Variants in TM9SF4 observed in about 807,000 individuals in gnomAD.
TM9SF4 encodes the protein transmembrane 9 superfamily member 4.
A neutral mutation model predicts 90.4 loss-of-function variants in TM9SF4; 26 were observed. That is an observed-to-expected ratio of 0.29 (90% CI 0.21 to 0.40). The LOEUF (loss-of-function observed/expected upper bound fraction) is 0.40, where lower values mean the gene tolerates loss of function less well. TM9SF4 is among the 10% of genes least tolerant of loss of function. TM9SF4 has a pLI of 1.00. For synonymous variants in TM9SF4, 293 were observed against 315.4 expected (o/e 0.93, Z 0.75); for missense variants, 549 against 834.8 (o/e 0.66, Z 4.22).
chr20:32,132,594 A>G (rs1430700217), intron 1 of TM9SF4, among the ~76,000 whole-genome samples: 1 of 152,138 alleles, frequency 6.6e-6, no homozygotes, highest in African/African-American at 2.4e-5. Context: ...AACTTGTAGG[A>G]ACATCTCTTG....
Position 32,156,942 on chromosome 20 carries a change from C to CTTTTTTTTTTTTTTT in TM9SF4, c.1330-851_1330-837dup, listed in dbSNP as rs71185385. On this transcript the variant is annotated intron_variant, in intron 13 of 17. Transcript: ENST00000398022. Reference sequence around the variant, plus strand: ...TATTTTTTTTTTTCCTGGACATTTTCTTTTTTTTTTTTTTTGAGACGAAGT... The same window carrying CTTTTTTTTTTTTTTT: ...TATTTTTTTTTTTCCTGGACATTTTCTTTTTTTTTTTTTTTTTTTTTTTTTTTTTTGAGACGAAGT... 5.7e-4 allele frequency among the ~76,000 whole-genome samples: 59 copies of CTTTTTTTTTTTTTTT among 103,462 alleles called. 2 individuals carry two copies. Among genetic ancestry groups the CTTTTTTTTTTTTTTT allele is most frequent in the African/African-American group, 2.1e-3 (45 of 21,566 alleles). The allele number at this position is 103,462 out of a possible 152,430, so 67.9% of individuals were successfully genotyped here.
intron 13 of TM9SF4, 32 bp from the exon 14 acceptor site, chr20:32,157,762 C>T (rs1414376463): frequency 2.5e-6 from 4 of 1,610,738 alleles, no homozygotes; most frequent in Non-Finnish European, 1.7e-6. Context: ...GCATCAGGGC[C>T]TCGTGGGGGC....
At chr20:32,125,270 T>C (rs1236810257) in intron 1 of TM9SF4, among the ~76,000 whole-genome samples, 1 of 152,254 alleles carries the variant, frequency 6.6e-6, no homozygotes, top group Non-Finnish European at 1.5e-5. Flanking sequence ...CTGTGAACTT[T>C]ATTTAATCTT....
chr20:32,145,186 T>C lies in TM9SF4; in HGVS notation c.748T>C (p.Phe250Leu). The C allele has an allele frequency of 6.2e-7, 1 of 1,614,170 alleles. No individual in the cohort carries two copies. The stretch of plus-strand genomic sequence containing the variant: ...CCCCACCAAGGAGAATCAGCTGTAC[T>C]TCACCTACTCTGTCCACTGGGAGGT... ...IDPTKENQLY[F>L]TYSVHWEESD... The change falls in exon 7 of 18, where the codon TTC becomes CTC. Residue 250 changes from phenylalanine to leucine, a missense_variant. By Grantham distance (22) the Phe-to-Leu change is conservative. Transcript: ENST00000398022.
intron 12 of TM9SF4, among the ~76,000 whole-genome samples, chr20:32,152,318 G>A (rs149668012): frequency 1.4e-4 from 21 of 151,086 alleles, no homozygotes; most frequent in African/African-American, 2.2e-4. Context: ...GATTTCCCTC[G>A]ATGGATCCTA....
intron 1 of TM9SF4, among the ~76,000 whole-genome samples, chr20:32,121,359 G>C (rs189047046): frequency 6.6e-6 from 1 of 151,126 alleles, no homozygotes; most frequent in African/African-American, 2.4e-5. Context: ...GCCTTCTGCA[G>C]CGTTTGTGTC....
At chr20:32,140,503 A>G (rs1224760226) in intron 3 of TM9SF4, among the ~76,000 whole-genome samples, 1 of 152,234 alleles carries the variant, frequency 6.6e-6, no homozygotes, top group Non-Finnish European at 1.5e-5. Context: ...TGACTGTATC[A>G]GCACATTGTG....
In TM9SF4 at chr20:32,159,978, CTG is replaced by C. The variant is rs764020855; in HGVS notation, c.1570-8_1570-7del. ...GGTGGTCAAGCCAGCTGAAGCCCCACTGTGTGTCCACAGGCTATCTGGGAGAA... is the reference window on the plus strand; with the variant it reads ...GGTGGTCAAGCCAGCTGAAGCCCCACTGTGTCCACAGGCTATCTGGGAGAA... On this transcript the variant is annotated splice_polypyrimidine_tract_variant and intron_variant, in intron 15 of 17. Transcript: ENST00000398022. 14 of 1,614,084 alleles carry C rather than the reference CTG, an allele frequency of 8.7e-6. No homozygotes were observed. The highest frequency in any genetic ancestry group is 2.5e-6 in the Non-Finnish European group (3 of 1,180,020).
At chr20:32,125,510 G>C (rs186822143) in intron 1 of TM9SF4, among the ~76,000 whole-genome samples, 16 of 152,212 alleles carry the variant, frequency 1.1e-4, no homozygotes, top group African/African-American at 3.9e-4. Context: ...GAACTTGCTA[G>C]AAGTGCACAT....
intron 3 of TM9SF4, among the ~76,000 whole-genome samples, chr20:32,137,164 G>A (rs763009236): frequency 2.6e-5 from 4 of 152,262 alleles, no homozygotes; most frequent in Non-Finnish European, 5.9e-5. Flanking sequence ...GTCTGCAGTG[G>A]TGCAGCTTGT....
In TM9SF4 at chr20:32,161,203, C is replaced by T. The variant is rs2047013460; in HGVS notation, c.1690-73C>T. On this transcript the variant is annotated intron_variant, in intron 16 of 17. Coordinates refer to ENST00000398022, the MANE Select transcript of TM9SF4 (RefSeq NM_014742.4). ...GCTCTTACCAGAGTCTTCAGCCCCTCAAGCAACTGTGAAATTGGTAGGAAG... is the reference window on the plus strand; with the variant it reads ...GCTCTTACCAGAGTCTTCAGCCCCTTAAGCAACTGTGAAATTGGTAGGAAG... 7.5e-6 allele frequency: 10 copies of T among 1,332,264 alleles called. No homozygotes were observed. The African/African-American group carries it at 1.2e-4, about 15-fold the overall frequency. The allele number at this position is 1,332,264 out of a possible 1,614,324, so 82.5% of individuals were successfully genotyped here. A position where few individuals can be genotyped will look rare whatever the true frequency, so the allele number is the denominator to read the frequency against.
Position 32,155,705 on chromosome 20 carries a change from G to A in TM9SF4, c.1329+519G>A, listed in dbSNP as rs118152601. 8.8e-4 allele frequency among the ~76,000 whole-genome samples: 134 copies of A among 152,316 alleles called. 1 individual carries two copies. In the East Asian group the frequency reaches 0.025, roughly 29 times the overall value. On this transcript the variant is annotated intron_variant, in intron 13 of 17. Transcript: ENST00000398022. ...ACTGAGGAGGATTTTGAACTCAGTTGTGGGGAGGGGGAGTGGGGTCTTGGT... is the reference window on the plus strand; with the variant it reads ...ACTGAGGAGGATTTTGAACTCAGTTATGGGGAGGGGGAGTGGGGTCTTGGT...
intron 1 of TM9SF4, among the ~76,000 whole-genome samples, chr20:32,118,599 TTGTATTTATTTA>T (rs1569043389): frequency 7.5e-6 from 1 of 133,828 alleles, no homozygotes; most frequent in Non-Finnish European, 1.6e-5. Context: ...ATTTATTTTG[TTGTATTTATTTA>T]TTTATTTATT....
chr20:32,145,388 T>C lies in TM9SF4; in HGVS notation c.848T>C (p.Ile283Thr). The C allele has an allele frequency of 1.2e-6, 2 of 1,614,138 alleles. No individual in the cohort carries two copies. The highest frequency in any genetic ancestry group is 1.7e-6 in the Non-Finnish European group (2 of 1,180,032). The change falls in exon 8 of 18, where the codon ATC becomes ACC. Residue 283 changes from isoleucine (I) to threonine (T), a missense_variant. Ile to Thr is a moderately conservative substitution (Grantham distance 89). Around this residue, in one of 2 missense-constraint regions of TM9SF4, gnomAD observed 495 missense variants for 711.7 expected, o/e 0.70. Coordinates refer to ENST00000398022, the MANE Select transcript of TM9SF4 (RefSeq NM_014742.4). ...GACGTCCAGATCCACTGGTTTTCTATCATTAACTCCGTTGTTGTGGTCTTC... is the reference window on the plus strand; with the variant it reads ...GACGTCCAGATCCACTGGTTTTCTACCATTAACTCCGTTGTTGTGGTCTTC... ...MSDVQIHWFS[I>T]INSVVVVFFL...
At chr20:32,147,784 C>T (rs898270610) in intron 9 of TM9SF4, among the ~76,000 whole-genome samples, 1 of 148,628 alleles carries the variant, frequency 6.7e-6, no homozygotes, top group Admixed American at 6.9e-5. Flanking sequence ...ACCCAGAAGG[C>T]GGAGGTTGTA....
At chr20:32,163,137 T>A (rs1210177430) in intron 17 of TM9SF4, among the ~76,000 whole-genome samples, 1 of 150,360 alleles carries the variant, frequency 6.7e-6, no homozygotes, top group Non-Finnish European at 1.5e-5. Flanking sequence ...TCCCAGCTAC[T>A]CAGGAGGCTG....
chr20:32,135,265 A>G (rs567786257), intron 2 of TM9SF4, among the ~76,000 whole-genome samples: 10 of 152,242 alleles, frequency 6.6e-5, no homozygotes, highest in Middle Eastern at 3.4e-3. Flanking sequence ...TAGTTTATTG[A>G]TAAATTTCCC....
chr20:32,121,593 T>C (rs2046308246), intron 1 of TM9SF4, among the ~76,000 whole-genome samples: 1 of 151,978 alleles, frequency 6.6e-6, no homozygotes, highest in Non-Finnish European at 1.5e-5. Flanking sequence ...AAGTCTCCCA[T>C]GTCTACTTCT....
Position 32,165,522 on chromosome 20 carries a change from A to G in TM9SF4, c.*78A>G. 1 of 1,528,254 alleles carries G rather than the reference A, an allele frequency of 6.5e-7. No individual in the cohort carries two copies. The highest frequency in any genetic ancestry group is 1.1e-5 in the South Asian group (1 of 87,428). 94.7% of individuals were successfully genotyped at this position (1,528,254 alleles called of 1,614,324 possible). A position where few individuals can be genotyped will look rare whatever the true frequency, so the allele number is the denominator to read the frequency against. On this transcript the variant is annotated 3_prime_UTR_variant, in exon 18 of 18. Coordinates refer to ENST00000398022, the MANE Select transcript of TM9SF4 (RefSeq NM_014742.4). ...GCGTGGGGGACTGCAGGCACGCAAA[A>G]TAAAATAACTCCTGCTCGTTTGGAA... is the stretch of plus-strand genomic sequence containing the variant.
Sources: allele counts gnomAD v4.1 joint callset (sites outside exome capture counted in the v4.1 genomes callset), GRCh38; gene constraint gnomAD v4.1.1; regional missense constraint gnomAD v4.1.1; transcripts MANE v1.5; gene names NCBI Gene and HGNC (gene_info 2026-07-23, HGNC 2026-07-21).